The following FARS2 variants were observed in gnomAD, a reference collection of about 807,000 sequenced individuals.
FARS2 encodes phenylalanine--tRNA ligase, mitochondrial.
In FARS2, 40 loss-of-function variants were observed where a neutral mutation model predicts 46.4. The observed-to-expected ratio is 0.86, with a 90% confidence interval of 0.67 to 1.12. The LOEUF (loss-of-function observed/expected upper bound fraction) is 1.12. FARS2 is among the 50% of genes most tolerant of loss of function. The probability of loss-of-function intolerance (pLI) is 0.00; values close to 1 mark genes in which losing one functional copy is unlikely to be tolerated. For missense variants in FARS2, 513 were observed against 567.9 expected (o/e 0.90, Z 0.98); for synonymous variants, 234 against 214.9 (o/e 1.09, Z -0.78).
At chr6:5,280,311 G>T (rs966899160) in intron 1 of FARS2, among the ~76,000 whole-genome samples, 18 of 152,192 alleles carry the variant, frequency 1.2e-4, no homozygotes, top group African/African-American at 4.1e-4. Flanking sequence ...ACTCATTTAA[G>T]CCTATTCTCT....
chr6:5,600,680 A>G (rs1186076506), intron 5 of FARS2, among the ~76,000 whole-genome samples: 2 of 152,244 alleles, frequency 1.3e-5, no homozygotes, highest in African/African-American at 2.4e-5. Flanking sequence ...TAAGAACACG[A>G]TCGCATGGGC....
rs569888594 is a variant in FARS2, at chr6:5,715,438, C to G, written c.1218-55853C>G. Reference sequence around the variant, plus strand: ...ACCCCGAAAGAAACCCAAGACCCCTCAGCAATCACCGCCCTTTCCCTGCCA... The same window carrying G: ...ACCCCGAAAGAAACCCAAGACCCCTGAGCAATCACCGCCCTTTCCCTGCCA... On this transcript the variant is annotated intron_variant, in intron 6 of 6. Coordinates refer to ENST00000274680, the MANE Select transcript of FARS2 (RefSeq NM_006567.5). 2.0e-5 allele frequency among the ~76,000 whole-genome samples: 3 copies of G among 152,314 alleles called. No individual in the cohort carries two copies. The East Asian group carries it at 5.8e-4, about 29-fold the overall frequency.
intron 5 of FARS2, among the ~76,000 whole-genome samples, chr6:5,611,948 A>C (rs1000493057): frequency 1.3e-5 from 2 of 152,196 alleles, no homozygotes; most frequent in African/African-American, 2.4e-5. Flanking sequence ...ATTTTCCATA[A>C]GGAACAAAAG....
intron 6 of FARS2, among the ~76,000 whole-genome samples, chr6:5,679,978 A>G (rs911219879): frequency 6.6e-6 from 1 of 152,074 alleles, no homozygotes; most frequent in Non-Finnish European, 1.5e-5. Context: ...GTGTTTTCCT[A>G]AAGAGTTGTT....
chr6:5,568,139 T>C (rs1239009989), intron 5 of FARS2, among the ~76,000 whole-genome samples: 2 of 152,200 alleles, frequency 1.3e-5, no homozygotes, highest in Non-Finnish European at 2.9e-5. Context: ...TCCCCCTTTC[T>C]GTCTGTGTCT....
chr6:5,368,870 G>A lies in FARS2; in HGVS notation c.300G>A (p.Gln100=), dbSNP rs146423499. 1.2e-5 allele frequency: 19 copies of A among 1,614,070 alleles called. No individual in the cohort carries two copies. The highest frequency in any genetic ancestry group is 1.4e-5 in the Non-Finnish European group (17 of 1,180,044). The change falls in exon 2 of 7, where the codon CAG becomes CAA. Residue 100 remains glutamine (Q), a synonymous_variant. Coordinates refer to ENST00000274680, the MANE Select transcript of FARS2 (RefSeq NM_006567.5). ...KERVKEHFYK[Q]YVGRFGTPLF... is the part of the protein sequence containing the mutation. ...GGGTGAAGGAGCACTTCTACAAGCA[G>A]TATGTGGGCCGCTTTGGGACCCCGT...
upstream of FARS2, chr6:5,260,931 G>A (rs955433679): frequency 3.0e-6 from 4 of 1,353,344 alleles, no homozygotes; most frequent in South Asian, 1.7e-5. Context: ...CCGCTTCGGG[G>A]GCGGGCGCAG....
intron 4 of FARS2, among the ~76,000 whole-genome samples, chr6:5,476,349 A>G (rs1162022248): frequency 6.6e-6 from 1 of 151,954 alleles, no homozygotes; most frequent in Non-Finnish European, 1.5e-5. Flanking sequence ...ACTCTGCTTT[A>G]TTTTCTTCAT....
intron 4 of FARS2, among the ~76,000 whole-genome samples, chr6:5,451,522 G>C (rs1320008901): frequency 6.6e-6 from 1 of 152,134 alleles, no homozygotes; most frequent in Non-Finnish European, 1.5e-5. Context: ...ATAGCCAGTG[G>C]AGACTTTTTA....
intron 4 of FARS2, among the ~76,000 whole-genome samples, chr6:5,463,461 T>TA (rs1437569760): frequency 6.6e-6 from 1 of 152,200 alleles, no homozygotes; most frequent in Non-Finnish European, 1.5e-5. Flanking sequence ...TTGTCATCTG[T>TA]AAAAAAACTA....
intron 2 of FARS2, among the ~76,000 whole-genome samples, chr6:5,383,540 C>T (rs973402153): frequency 5.4e-5 from 8 of 147,974 alleles, no homozygotes; most frequent in African/African-American, 1.5e-4. Context: ...TGAACTTCAG[C>T]GTCCATAACT....
chr6:5,362,948 A>G (rs966326747), intron 1 of FARS2, among the ~76,000 whole-genome samples: 5 of 114,658 alleles, frequency 4.4e-5, no homozygotes, highest in African/African-American at 1.7e-4. Flanking sequence ...TTTTTTTGAC[A>G]TGGAGTCTCA....
At chr6:5,671,508 G>T (rs1223701100) in intron 6 of FARS2, among the ~76,000 whole-genome samples, 2 of 152,206 alleles carry the variant, frequency 1.3e-5, no homozygotes, top group East Asian at 1.9e-4. Flanking sequence ...CAAGGTCACT[G>T]TTGTATGAAT....
intron 1 of FARS2, among the ~76,000 whole-genome samples, chr6:5,368,081 ATCTCT>A (rs1296820005): frequency 3.3e-5 from 5 of 152,164 alleles, no homozygotes; most frequent in Non-Finnish European, 7.4e-5. Flanking sequence ...TGGCTCTTAA[ATCTCT>A]TCTCTTCCAC....
At chr6:5,576,225 G>C (rs530536905) in intron 5 of FARS2, among the ~76,000 whole-genome samples, 8 of 152,270 alleles carry the variant, frequency 5.3e-5, no homozygotes, top group Non-Finnish European at 8.8e-5. Context: ...GTGTCTGTGA[G>C]GGTGTTGCCA....
At chr6:5,721,777 C>T (rs1759927623) in intron 6 of FARS2, among the ~76,000 whole-genome samples, 1 of 152,218 alleles carries the variant, frequency 6.6e-6, no homozygotes, top group Admixed American at 6.5e-5. Flanking sequence ...CTTGAAGTGG[C>T]AGGCTCATTG....
chr6:5,638,687 C>T (rs73360293), intron 6 of FARS2, among the ~76,000 whole-genome samples: 1,632 of 152,360 alleles, frequency 0.011, 39 homozygotes, highest in African/African-American at 0.038. Context: ...CCCATCCCCC[C>T]GGCTGTGGCT....
At chr6:5,758,207 T>G (rs1436392735) in intron 6 of FARS2, among the ~76,000 whole-genome samples, 1 of 152,140 alleles carries the variant, frequency 6.6e-6, no homozygotes, top group East Asian at 1.9e-4. Context: ...CAGTTTTTTT[T>G]TTTAAAGAAT....
chr6:5,414,279 A>G (rs1040149346), intron 3 of FARS2, among the ~76,000 whole-genome samples: 1 of 152,224 alleles, frequency 6.6e-6, no homozygotes, highest in African/African-American at 2.4e-5. Flanking sequence ...TGGGCTTCCA[A>G]TAAACTAAAG....
Sources: allele counts gnomAD v4.1 joint callset (sites outside exome capture counted in the v4.1 genomes callset), GRCh38; gene constraint gnomAD v4.1.1; transcripts MANE v1.5; gene names NCBI Gene and HGNC (gene_info 2026-07-23, HGNC 2026-07-21).